Variants in GRID1 observed in about 807,000 individuals in gnomAD.
The protein encoded by GRID1 is glutamate receptor ionotropic, delta-1.
A neutral mutation model predicts 98.0 loss-of-function variants in GRID1; 28 were observed. That is an observed-to-expected ratio of 0.29 (90% CI 0.21 to 0.39). The LOEUF is 0.39. GRID1 is among the 10% of genes least tolerant of loss of function. The pLI is 1.00. For synonymous variants in GRID1, 553 were observed against 538.5 expected (o/e 1.03, Z -0.37); for missense variants, 1,111 against 1,340.5 (o/e 0.83, Z 2.67).
intron 3 of GRID1, among the ~76,000 whole-genome samples, chr10:86,155,407 G>GC (rs1333269400): frequency 6.6e-6 from 1 of 152,202 alleles, no homozygotes; most frequent in Non-Finnish European, 1.5e-5. Flanking sequence ...AAGAGCAACT[G>GC]AAAGGGCAGA....
At chr10:86,075,832 G>C (rs1843873376) in intron 4 of GRID1, among the ~76,000 whole-genome samples, 1 of 152,208 alleles carries the variant, frequency 6.6e-6, no homozygotes, top group South Asian at 2.1e-4. Context: ...GGAAACTTCA[G>C]ATGAAATTGT....
intron 8 of GRID1, among the ~76,000 whole-genome samples, chr10:85,786,747 C>T (rs1842432930): frequency 6.6e-6 from 1 of 152,212 alleles, no homozygotes. Context: ...TAGCATGCCC[C>T]ACCCCCCGCC....
At chr10:85,661,269 A>C (rs942857938) in intron 12 of GRID1, among the ~76,000 whole-genome samples, 4 of 151,992 alleles carry the variant, frequency 2.6e-5, no homozygotes, top group African/African-American at 9.7e-5. Context: ...TAGCCCTGTA[A>C]ACACTGTGAC....
At chr10:85,719,640 A>G (rs967602666) in intron 12 of GRID1, among the ~76,000 whole-genome samples, 11 of 152,118 alleles carry the variant, frequency 7.2e-5, no homozygotes, top group African/African-American at 2.7e-4. Flanking sequence ...CTATGATTCA[A>G]TTACCTCTCC....
intron 15 of GRID1, among the ~76,000 whole-genome samples, chr10:85,607,638 C>T (rs7907900): frequency 0.2 from 30,016 of 151,762 alleles, 3,409 homozygotes; most frequent in African/African-American, 0.31. Context: ...GCAATGAGAG[C>T]GAACCGACAA....
At chr10:86,277,895 T>C (rs1464147874) in intron 2 of GRID1, among the ~76,000 whole-genome samples, 1 of 152,086 alleles carries the variant, frequency 6.6e-6, no homozygotes, top group Non-Finnish European at 1.5e-5. Context: ...AAACTATAAA[T>C]AGTAAAATGG....
intron 8 of GRID1, among the ~76,000 whole-genome samples, chr10:85,805,013 AAAGG>A (rs1379917935): frequency 6.6e-6 from 1 of 151,724 alleles, no homozygotes; most frequent in Admixed American, 6.6e-5. Flanking sequence ...AGAAGGGAGA[AAAGG>A]AAGGAAGAAG....
chr10:85,618,840 C>T (rs919679622), intron 14 of GRID1, among the ~76,000 whole-genome samples: 10 of 152,228 alleles, frequency 6.6e-5, no homozygotes, highest in Admixed American at 6.5e-4. Context: ...CTGCCAGCAG[C>T]TGGCTCAGCA....
At chr10:85,609,134 A>C (rs1170885987) in intron 15 of GRID1, among the ~76,000 whole-genome samples, 1 of 152,206 alleles carries the variant, frequency 6.6e-6, no homozygotes, top group Non-Finnish European at 1.5e-5. Flanking sequence ...TGCGCCTGGG[A>C]GGCAGCAGGG....
chr10:85,904,257 G>T (rs1168343091), intron 5 of GRID1, among the ~76,000 whole-genome samples: 1 of 152,188 alleles, frequency 6.6e-6, no homozygotes, highest in Non-Finnish European at 1.5e-5. Flanking sequence ...TGAAAAAATA[G>T]TTTGCAAGAC....
At chr10:86,184,336 C>A (rs1845697922) in intron 3 of GRID1, among the ~76,000 whole-genome samples, 2 of 152,180 alleles carry the variant, frequency 1.3e-5, no homozygotes, top group South Asian at 4.2e-4. Flanking sequence ...AACCTAGGGT[C>A]ACAATGATTT....
At chr10:86,223,735 G>A (rs191314972) in intron 2 of GRID1, among the ~76,000 whole-genome samples, 2 of 152,268 alleles carry the variant, frequency 1.3e-5, no homozygotes, top group African/African-American at 4.8e-5. Context: ...GGCTTTCCAA[G>A]AAGTGACTGA....
chr10:85,805,074 G>A (rs1842611568), intron 8 of GRID1, among the ~76,000 whole-genome samples: 1 of 150,894 alleles, frequency 6.6e-6, no homozygotes, highest in Admixed American at 6.6e-5. Context: ...AAGAAGATAA[G>A]AAAAATATAC....
intron 12 of GRID1, among the ~76,000 whole-genome samples, chr10:85,715,588 A>T (rs1841629367): frequency 6.6e-6 from 1 of 152,178 alleles, no homozygotes; most frequent in African/African-American, 2.4e-5. Context: ...CATATAAATG[A>T]CCAAAAGATA....
intron 12 of GRID1, among the ~76,000 whole-genome samples, chr10:85,712,071 C>T (rs1249530768): frequency 6.6e-6 from 1 of 151,262 alleles, no homozygotes; most frequent in Admixed American, 6.6e-5. Context: ...CCATTTAACA[C>T]AAAAGAAGGC....
intron 15 of GRID1, among the ~76,000 whole-genome samples, chr10:85,608,625 G>A (rs967087347): frequency 2.0e-5 from 3 of 152,176 alleles, no homozygotes; most frequent in Non-Finnish European, 4.4e-5. Flanking sequence ...AGCTTCCACT[G>A]TTCCAGAGAG....
intron 2 of GRID1, among the ~76,000 whole-genome samples, chr10:86,332,474 A>G (rs1848159060): frequency 6.6e-6 from 1 of 151,788 alleles, no homozygotes; most frequent in Non-Finnish European, 1.5e-5. Flanking sequence ...ATGGCCTCTC[A>G]CCCCTTGGCT....
Position 86,310,591 on chromosome 10 carries a change from A to AG in GRID1, c.235+53349dup, listed in dbSNP as rs555376923. The stretch of plus-strand genomic sequence containing the variant: ...GCAGGTACCTGAGTGTTGGGGAGAA[A>AG]GGCATATATCTACCTGGTCTCCAGG... On this transcript the variant is annotated intron_variant, in intron 2 of 15. Coordinates refer to ENST00000327946, the MANE Select transcript of GRID1 (RefSeq NM_017551.3). Among the ~76,000 whole-genome samples the AG allele has an allele frequency of 2.0e-3, 298 of 152,242 alleles. 1 individual carries two copies. The highest frequency in any genetic ancestry group is 3.4e-3 in the Admixed American group (52 of 15,306).
chr10:86,185,093 T>A (rs1202100622), intron 3 of GRID1, among the ~76,000 whole-genome samples: 1 of 152,124 alleles, frequency 6.6e-6, no homozygotes, highest in Non-Finnish European at 1.5e-5. Context: ...TTTTTAACAG[T>A]AATGAGTCTT....
Sources: gnomAD v4.1 joint callset for allele counts (sites outside exome capture counted in the v4.1 genomes callset) on GRCh38, gnomAD v4.1.1 for gene constraint, MANE v1.5 for transcripts, NCBI Gene and HGNC (gene_info 2026-07-23, HGNC 2026-07-21) for gene names.